DOCK6: variants seen among roughly 807,000 people sequenced by gnomAD.
DOCK6 encodes the protein dedicator of cytokinesis 6.
In DOCK6, 167 loss-of-function variants were observed where a neutral mutation model predicts 230.3. That is an observed-to-expected ratio of 0.73 (90% CI 0.64 to 0.82). The LOEUF is 0.82. Among genes scored for constraint, DOCK6 ranks in the 40% least tolerant of loss-of-function variants. DOCK6 has a pLI of 0.00. For synonymous variants in DOCK6, 1,148 were observed against 1,185.0 expected (o/e 0.97, Z 0.64); for missense variants, 2,598 against 2,825.8 (o/e 0.92, Z 1.83).
In DOCK6 at chr19:11,236,311, T is replaced by C; in HGVS notation, c.2392+35A>G. Reference sequence around the variant, plus strand: ...CCTCAGGACTGAGAAGCCATGTGGATGGGGAAACTGAGGTCTGAGGCCACA... The same window carrying C: ...CCTCAGGACTGAGAAGCCATGTGGACGGGGAAACTGAGGTCTGAGGCCACA... On this transcript the variant is annotated intron_variant, in intron 20 of 47. Transcript: ENST00000294618. This position sits in a 1 kb window ranked among gnomAD's most constrained non-coding sequence, Gnocchi z 5.2. 6.6e-7 allele frequency: 1 copy of C among 1,515,726 alleles called. No individual in the cohort carries two copies. The highest frequency in any genetic ancestry group is 8.9e-7 in the Non-Finnish European group (1 of 1,119,898). The allele number at this position is 1,515,726 out of a possible 1,614,324, so 93.9% of individuals were successfully genotyped here.
At chr19:11,245,961 G>C in intron 7 of DOCK6, 83 bp from the exon 8 acceptor site, 1 of 1,488,516 alleles carries the variant, frequency 6.7e-7, no homozygotes, top group South Asian at 1.2e-5. Flanking sequence ...GCCCAAGGTG[G>C]GGGGCATCTG....
intron 9 of DOCK6, among the ~76,000 whole-genome samples, chr19:11,245,208 C>G (rs1361465839): frequency 2.0e-5 from 3 of 152,178 alleles, no homozygotes; most frequent in Non-Finnish European, 4.4e-5. Context: ...TGACCTCCCT[C>G]CCAGAAACAG....
chr19:11,247,936 C>T, intron 7 of DOCK6, 130 bp downstream of exon 7: 5 of 725,208 alleles, frequency 6.9e-6, no homozygotes, highest in South Asian at 1.6e-5. Flanking sequence ...CCATAAAAGC[C>T]CATACATAGG....
intron 2 of DOCK6, among the ~76,000 whole-genome samples, 158 bp from the exon 3 acceptor site, chr19:11,253,116 C>G (rs1285352437): frequency 6.6e-6 from 1 of 151,868 alleles, no homozygotes; most frequent in Non-Finnish European, 1.5e-5. Flanking sequence ...AGGATGATGA[C>G]CTCAGACTCT....
Position 11,200,771 on chromosome 19 carries a change from T to G in DOCK6, c.5884A>C (p.Lys1962Gln), listed in dbSNP as rs1298565853. 3.7e-6 allele frequency: 6 copies of G among 1,613,474 alleles called. No homozygotes were observed. In the African/African-American group the frequency reaches 6.7e-5, roughly 18 times the overall value. ...VFLAEIPEDP[K>Q]LFRHHNKLRL... ...AATTTGTTGTGATGCCGGAAGAGCTTGGGGTCTTCCGGGATCTCTGCTAAA... is the reference window on the plus strand; with the variant it reads ...AATTTGTTGTGATGCCGGAAGAGCTGGGGGTCTTCCGGGATCTCTGCTAAA... Residue 1962 changes from lysine (K) to glutamine (Q), a missense_variant, in exon 46 of 48, where the codon AAG becomes CAG. Coordinates refer to ENST00000294618, the MANE Select transcript of DOCK6 (RefSeq NM_020812.4). This position sits in a 1 kb window ranked among gnomAD's most constrained non-coding sequence, Gnocchi z 4.3.
chr19:11,251,800 G>A, intron 5 of DOCK6: 1 of 303,162 alleles, frequency 3.3e-6, no homozygotes, highest in South Asian at 4.9e-5. Context: ...TATACAGTAG[G>A]TGCTCAGTAA....
Position 11,213,224 on chromosome 19 carries a change from GGCGTGCGT to G in DOCK6, c.4435_4442del (p.Thr1479GlnfsTer41). The G allele has an allele frequency of 6.2e-7, 1 of 1,613,244 alleles. No homozygotes were observed. The highest frequency in any genetic ancestry group is 8.5e-7 in the Non-Finnish European group (1 of 1,179,856). ...GCATGAGCAGGTACAGCGAGGCGCT[GGCGTGCGT>G]GCGGATGGTGCTGATGCGGCTGCCA... is the stretch of plus-strand genomic sequence containing the variant. On this transcript the variant is annotated frameshift_variant, in exon 35 of 48. Coordinates refer to ENST00000294618, the MANE Select transcript of DOCK6 (RefSeq NM_020812.4). LOFTEE classifies it high-confidence loss of function.
chr19:11,251,939 C>T, intron 5 of DOCK6, 180 bp downstream of exon 5: 1 of 852,926 alleles, frequency 1.2e-6, no homozygotes, highest in Admixed American at 2.5e-5. Context: ...GCCTTCAGTA[C>T]ACCCTAAGCA....
At chr19:11,215,725 C>A (rs897686837) in intron 31 of DOCK6, 76 bp downstream of exon 31, 3 of 1,602,846 alleles carry the variant, frequency 1.9e-6, no homozygotes, top group African/African-American at 1.3e-5. Context: ...AGGGATGGCC[C>A]CCTTCATGGG....
At chr19:11,260,879 T>G in intron 1 of DOCK6, among the ~76,000 whole-genome samples, 2 of 4,198 alleles carry the variant, frequency 4.8e-4, no homozygotes, top group African/African-American at 7.6e-4. Flanking sequence ...CGAGACTCTG[T>G]CTCAAAAAAA....
chr19:11,217,382 C>T lies in DOCK6; in HGVS notation c.3560G>A (p.Gly1187Asp), dbSNP rs769129213. The T allele has an allele frequency of 1.9e-6, 3 of 1,612,912 alleles. No homozygotes were observed. The highest frequency in any genetic ancestry group is 1.1e-5 in the South Asian group (1 of 90,890). The change falls in exon 29 of 48, where the codon GGT becomes GAT. Residue 1187 changes from glycine to aspartate, a missense_variant. Transcript: ENST00000294618. ...CATTGAGGCCAGTCTTGACCGCTGA[C>T]CTGGGCCCTCTGGCAGGGAAAGACA... ...PRLHDFAEGP[G>D]QRSRLASMLD...
chr19:11,235,854 A>G, intron 20 of DOCK6, 95 bp from the exon 21 acceptor site: 2 of 1,409,278 alleles, frequency 1.4e-6, no homozygotes, highest in Non-Finnish European at 1.9e-6. Flanking sequence ...TTGAGGGATC[A>G]TGTGCTCATT....
chr19:11,199,656 C>T, intron 47 of DOCK6, 117 bp from the exon 48 acceptor site: 1 of 1,113,114 alleles, frequency 9.0e-7, no homozygotes, highest in South Asian at 1.3e-5. Context: ...CTTCTGGGAT[C>T]TCTCCTGTCC....
At position 11,261,815 on chromosome 19, in the gene DOCK6, T is replaced by TG. The variant is rs1224119851; in HGVS notation, c.44+581dup. Among the ~76,000 whole-genome samples the TG allele has an allele frequency of 1.4e-5, 2 of 143,932 alleles. 1 individual carries two copies. Among genetic ancestry groups the TG allele is most frequent in the South Asian group, 4.4e-4 (2 of 4,546 alleles). 94.4% of individuals were successfully genotyped at this position (143,932 alleles called of 152,430 possible). On this transcript the variant is annotated intron_variant, in intron 1 of 47. Coordinates refer to ENST00000294618, the MANE Select transcript of DOCK6 (RefSeq NM_020812.4). ...TGACGGGAGAGCCTGAAGCAGAAGG[T>TG]GGGGGGGCGTCCACAGCTGTCCCCC... is the stretch of plus-strand genomic sequence containing the variant.
chr19:11,250,969 G>C lies in DOCK6; in HGVS notation c.625C>G (p.Arg209Gly). The change falls in exon 6 of 48, where the codon CGG becomes GGG. Residue 209 changes from arginine (R) to glycine (G), a missense_variant. Coordinates refer to ENST00000294618, the MANE Select transcript of DOCK6 (RefSeq NM_020812.4). ...CGGTCCACATCTTCTGGGGCCGCCC[G>C]CTCTAGCAGAGAGGGCAGCAATGAG... ...ADSLLPSLLE[R>G]AAPEDVDRRN... The C allele has an allele frequency of 6.2e-7, 1 of 1,613,776 alleles. No homozygotes were observed.
intron 1 of DOCK6, among the ~76,000 whole-genome samples, 191 bp downstream of exon 1, chr19:11,262,206 A>T (rs1244032703): frequency 6.7e-6 from 1 of 149,734 alleles, no homozygotes; most frequent in East Asian, 2.0e-4. Context: ...CCCATCTGGG[A>T]CCCCCGCCGG....
chr19:11,201,845 C>T lies in DOCK6; in HGVS notation c.5688+44G>A. On this transcript the variant is annotated intron_variant, in intron 44 of 47. Coordinates refer to ENST00000294618, the MANE Select transcript of DOCK6 (RefSeq NM_020812.4). The surrounding 1 kb of genome is among the most constrained non-coding windows in gnomAD (Gnocchi z 4.3). Reference sequence around the variant, plus strand: ...CCCCTCCCCTCCCAGGGTCTGATGTCCCCTCACCTCCCCACCCCCGCCAGG... The same window carrying T: ...CCCCTCCCCTCCCAGGGTCTGATGTTCCCTCACCTCCCCACCCCCGCCAGG... 4.5e-6 allele frequency: 4 copies of T among 883,580 alleles called. No homozygotes were observed. Among genetic ancestry groups the T allele is most frequent in the Non-Finnish European group, 6.9e-6 (4 of 580,860 alleles). The allele number at this position is 883,580 out of a possible 1,614,324, so 54.7% of individuals were successfully genotyped here. A position where few individuals can be genotyped will look rare whatever the true frequency, so the allele number is the denominator to read the frequency against.
At position 11,252,955 on chromosome 19, in the gene DOCK6, G is replaced by A. The variant is rs1402568915; in HGVS notation, c.136C>T (p.Pro46Ser). Residue 46 changes from proline (P) to serine (S), a missense_variant, in exon 3 of 48, where the codon CCA (proline) becomes TCA (serine). By Grantham distance (74) the Pro-to-Ser change is moderately conservative (BLOSUM62 -1). Transcript: ENST00000294618. ...AGGGGCTCGACAACTTCAGTCAGTG[G>A]GACCTGGATTGGAGCAAAGTGGCTG... ...SRRCSSSLGVPLTEVVEPLDF... is the reference protein window; with the variant it reads ...SRRCSSSLGVSLTEVVEPLDF... 3 of 1,603,922 alleles carry A rather than the reference G, an allele frequency of 1.9e-6. No homozygotes were observed. Among genetic ancestry groups the A allele is most frequent in the African/African-American group, 1.3e-5 (1 of 74,728 alleles).
rs1483814891 is a variant in DOCK6, at chr19:11,209,121, G to A, written c.4752-18C>T. 1 of 1,605,994 alleles carries A rather than the reference G, an allele frequency of 6.2e-7. No individual in the cohort carries two copies. The highest frequency in any genetic ancestry group is 8.5e-7 in the Non-Finnish European group (1 of 1,176,988). ...GGGCAATTCTGGAGTCCAGGTGAGGGGGGATGTGAGGAGGGGACTCACCTG... is the reference window on the plus strand; with the variant it reads ...GGGCAATTCTGGAGTCCAGGTGAGGAGGGATGTGAGGAGGGGACTCACCTG... On this transcript the variant is annotated intron_variant, in intron 37 of 47. Coordinates refer to ENST00000294618, the MANE Select transcript of DOCK6 (RefSeq NM_020812.4).
Sources: allele counts gnomAD v4.1 joint callset (sites outside exome capture counted in the v4.1 genomes callset), GRCh38; gene constraint gnomAD v4.1.1; non-coding constraint Gnocchi (gnomAD v3.1); transcripts MANE v1.5; gene names NCBI Gene and HGNC (gene_info 2026-07-23, HGNC 2026-07-21).